Variants in BACH1 observed in about 807,000 individuals in gnomAD.
BACH1 encodes the protein transcription regulator protein BACH1.
BACH1 carries 35 observed loss-of-function variants against 52.9 expected under a neutral mutation model. That is an observed-to-expected ratio of 0.66 (90% CI 0.51 to 0.88). BACH1 has a LOEUF of 0.88. Among genes scored for constraint, BACH1 ranks in the 40% least tolerant of loss-of-function variants. The pLI is 0.00. For missense variants in BACH1, 808 were observed against 872.6 expected (o/e 0.93, Z 0.93); for synonymous variants, 321 against 319.6 (o/e 1.00, Z -0.05).
chr21:29,347,657 C>A (rs1172469259), downstream of BACH1, among the ~76,000 whole-genome samples: 3 of 152,212 alleles, frequency 2.0e-5, no homozygotes, highest in Non-Finnish European at 4.4e-5. Flanking sequence ...GAGGCCACTT[C>A]CCAACACCAG....
At chr21:29,321,883 T>C (rs940998801) in intron 2 of BACH1, among the ~76,000 whole-genome samples, 2 of 152,158 alleles carry the variant, frequency 1.3e-5, no homozygotes, top group African/African-American at 2.4e-5. Flanking sequence ...TGTAGCTATG[T>C]GTGTTAGTCT....
chr21:29,345,555 A>G lies in BACH1; in HGVS notation c.*2722A>G, dbSNP rs905556734. 2 of 152,410 alleles carry G rather than the reference A, an allele frequency of 1.3e-5. No individual in the cohort carries two copies. The highest frequency in any genetic ancestry group is 2.9e-5 in the Non-Finnish European group (2 of 68,000). The allele number at this position is 152,410 out of a possible 1,614,324, so 9.4% of individuals were successfully genotyped here. On this transcript the variant is annotated 3_prime_UTR_variant, in exon 5 of 5. Transcript: ENST00000286800. ...ATAGCAAATAATTCGTTAAATTGTC[A>G]TATTCAAAACAAATGTGGATACAGT...
intron 4 of BACH1, among the ~76,000 whole-genome samples, chr21:29,332,970 G>C (rs993252329): frequency 6.6e-6 from 1 of 152,128 alleles, no homozygotes; most frequent in Non-Finnish European, 1.5e-5. Flanking sequence ...TGGAATTTTT[G>C]TATCAGAGTG....
chr21:29,314,115 G>A (rs1383748875), intron 1 of BACH1, among the ~76,000 whole-genome samples: 1 of 152,172 alleles, frequency 6.6e-6, no homozygotes, highest in African/African-American at 2.4e-5. Flanking sequence ...ATCCTATTCA[G>A]AATCAAGTAG....
At position 29,326,222 on chromosome 21, in the gene BACH1, C is replaced by T; in HGVS notation, c.398C>T (p.Ser133Phe). The T allele has an allele frequency of 1.2e-6, 2 of 1,614,146 alleles. No homozygotes were observed. Among genetic ancestry groups the T allele is most frequent in the Non-Finnish European group, 1.7e-6 (2 of 1,180,018 alleles). The change falls in exon 3 of 5, where the codon TCC becomes TTC. Residue 133 changes from serine to phenylalanine, a missense_variant. Transcript: ENST00000286800. ...FQFLKFKFLD[S>F]TADQQECPRK... is the part of the protein sequence containing the mutation. Reference sequence around the variant, plus strand: ...TTTCTGAAATTTAAGTTTTTGGACTCCACTGCAGACCAGCAAGAATGCCCA... The same window carrying T: ...TTTCTGAAATTTAAGTTTTTGGACTTCACTGCAGACCAGCAAGAATGCCCA...
intron 2 of BACH1, among the ~76,000 whole-genome samples, chr21:29,358,139 T>C (rs927551873): frequency 1.3e-5 from 2 of 152,178 alleles, no homozygotes; most frequent in African/African-American, 4.8e-5. Flanking sequence ...TCTGCCCTTT[T>C]GGGTGGGGCA....
intron 1 of BACH1, among the ~76,000 whole-genome samples, chr21:29,311,449 GAAC>G (rs1447912726): frequency 1.3e-4 from 20 of 151,760 alleles, no homozygotes; most frequent in African/African-American, 4.6e-4. Context: ...TAAGTACAGA[GAAC>G]AACCTTATCT....
intron 4 of BACH1, among the ~76,000 whole-genome samples, chr21:29,336,970 C>T (rs771790786): frequency 6.6e-5 from 10 of 152,136 alleles, no homozygotes; most frequent in Non-Finnish European, 1.3e-4. Flanking sequence ...CCATGCCTGG[C>T]CTTTTCTTGT....
chr21:29,360,192 A>G (rs1455605659), intron 2 of BACH1, among the ~76,000 whole-genome samples: 1 of 152,116 alleles, frequency 6.6e-6, no homozygotes, highest in Non-Finnish European at 1.5e-5. Context: ...GTATAAAACC[A>G]AGCTGTGCCC....
At chr21:29,310,846 A>G (rs1195135013) in intron 1 of BACH1, among the ~76,000 whole-genome samples, 1 of 152,240 alleles carries the variant, frequency 6.6e-6, no homozygotes, top group African/African-American at 2.4e-5. Flanking sequence ...GAAATTGGGA[A>G]GAGAGGGAAG....
Position 29,342,435 on chromosome 21 carries a change from C to G in BACH1, c.1813C>G (p.His605Asp), listed in dbSNP as rs774578852. Residue 605 changes from histidine (H) to aspartate (D), a missense_variant, in exon 5 of 5, where the codon CAC (histidine) becomes GAC (aspartate). His to Asp is a moderately conservative substitution (Grantham distance 81, BLOSUM62 -1). Coordinates refer to ENST00000286800, the MANE Select transcript of BACH1 (RefSeq NM_001186.4). Reference sequence around the variant, plus strand: ...GGAGAGCTTGTTGAAGGAAAGAGATCACATTTTGTCAACTCTGGGTGAGAC... The same window carrying G: ...GGAGAGCTTGTTGAAGGAAAGAGATGACATTTTGTCAACTCTGGGTGAGAC... ...EKESLLKERD[H>D]ILSTLGETKQ... The G allele has an allele frequency of 1.2e-6, 2 of 1,614,040 alleles. No homozygotes were observed. The highest frequency in any genetic ancestry group is 2.2e-5 in the East Asian group (1 of 44,890).
chr21:29,327,460 C>CTGA (rs755962041), intron 3 of BACH1, 67 bp downstream of exon 3: 78 of 1,536,206 alleles, frequency 5.1e-5, no homozygotes, highest in Non-Finnish European at 6.1e-5. Context: ...TGTGGATCAG[C>CTGA]TCCCTTTGCA....
intron 1 of BACH1, among the ~76,000 whole-genome samples, chr21:29,299,195 C>CT (rs2088574104): frequency 6.6e-6 from 1 of 151,642 alleles, no homozygotes; most frequent in Non-Finnish European, 1.5e-5. Context: ...GCCGAACCCC[C>CT]TGCACTGCCG....
chr21:29,302,505 G>T (rs2088614659), intron 1 of BACH1, among the ~76,000 whole-genome samples: 1 of 152,218 alleles, frequency 6.6e-6, no homozygotes, highest in Non-Finnish European at 1.5e-5. Flanking sequence ...TTCTGGTTGT[G>T]TCACCCACTT....
At chr21:29,339,808 G>C (rs1429707354) in intron 4 of BACH1, among the ~76,000 whole-genome samples, 1 of 151,744 alleles carries the variant, frequency 6.6e-6, no homozygotes, top group African/African-American at 2.4e-5. Flanking sequence ...TAATTTTTTT[G>C]TATTTTTATT....
intron 1 of BACH1, among the ~76,000 whole-genome samples, chr21:29,319,982 A>G (rs1259483540): frequency 2.0e-5 from 3 of 152,102 alleles, no homozygotes; most frequent in Non-Finnish European, 4.4e-5. Context: ...ATGGGCCAAA[A>G]CTGGAGTTAG....
At chr21:29,341,679 G>GT (rs570784517) in intron 4 of BACH1, among the ~76,000 whole-genome samples, 46 of 152,252 alleles carry the variant, frequency 3.0e-4, no homozygotes, top group Admixed American at 2.7e-3. Flanking sequence ...TCACACTTTA[G>GT]TAACTCACCC....
At position 29,299,476 on chromosome 21, in the gene BACH1, T is replaced by G. The variant is rs1275166798; in HGVS notation, c.-61+523T>G. The G allele has an allele frequency of 3.3e-5, 5 of 152,312 alleles. No homozygotes were observed. In the East Asian group the frequency reaches 7.7e-4, roughly 23 times the overall value. The allele number at this position is 152,312 out of a possible 1,614,324, so 9.4% of individuals were successfully genotyped here. A position where few individuals can be genotyped will look rare whatever the true frequency, so the allele number is the denominator to read the frequency against. On this transcript the variant is annotated intron_variant, in intron 1 of 4. Transcript: ENST00000286800. ...GCGTAAGAAAAGCCGAGTTTGTGGC[T>G]GGGGAGAGAAGGCCACCGTGCTGAG...
At chr21:29,328,793 T>C (rs1022839339) in intron 3 of BACH1, among the ~76,000 whole-genome samples, 21 of 152,304 alleles carry the variant, frequency 1.4e-4, no homozygotes, top group Non-Finnish European at 1.8e-4. Context: ...AGTGAAATCA[T>C]GTTGGATTTA....
Sources: allele counts gnomAD v4.1 joint callset (sites outside exome capture counted in the v4.1 genomes callset), GRCh38; gene constraint gnomAD v4.1.1; transcripts MANE v1.5; gene names NCBI Gene and HGNC (gene_info 2026-07-23, HGNC 2026-07-21).